Variants in DENND5A observed in about 807,000 individuals in gnomAD.
The protein encoded by DENND5A is DENN domain containing 5A, also known as DENN domain-containing protein 5A.
DENND5A carries 64 observed loss-of-function variants against 140.3 expected under a neutral mutation model. That is an observed-to-expected ratio of 0.46 (90% CI 0.37 to 0.56). The LOEUF (loss-of-function observed/expected upper bound fraction) is 0.56, where lower values mean the gene tolerates loss of function less well. DENND5A is among the 20% of genes least tolerant of loss of function. The pLI, the probability that DENND5A is intolerant of heterozygous loss-of-function variation, is 0.00. For synonymous variants in DENND5A, 605 were observed against 607.7 expected (o/e 1.00, Z 0.07); for missense variants, 1,292 against 1,593.8 (o/e 0.81, Z 3.22).
rs1326262979 is a variant in DENND5A, at chr11:9,165,985, A to G, written c.2152-18T>C. On this transcript the variant is annotated intron_variant, in intron 10 of 22. Transcript: ENST00000328194. Reference sequence around the variant, plus strand: ...ATGTACTTCTATATCAAACAGAAAAATAAAGACCCTTTGTGTCCATGTACA... The same window carrying G: ...ATGTACTTCTATATCAAACAGAAAAGTAAAGACCCTTTGTGTCCATGTACA... 1 of 1,613,800 alleles carries G rather than the reference A, an allele frequency of 6.2e-7. No individual in the cohort carries two copies.
At chr11:9,262,534 T>C (rs1247863878) in intron 1 of DENND5A, among the ~76,000 whole-genome samples, 1 of 152,254 alleles carries the variant, frequency 6.6e-6, no homozygotes, top group African/African-American at 2.4e-5. Flanking sequence ...AGCAATTAAC[T>C]AGTGTATACA....
At chr11:9,174,092 G>C (rs535351772) in intron 8 of DENND5A, among the ~76,000 whole-genome samples, 54 of 82,802 alleles carry the variant, frequency 6.5e-4, no homozygotes, top group African/African-American at 2.6e-3. Flanking sequence ...GATAGAGCAA[G>C]ACTCCGTCTC....
In DENND5A at chr11:9,138,979, TTAAA is replaced by T. The variant is rs1373826142; in HGVS notation, c.*688_*691del. ...ATACTTAAAAACACACAATGGCGGGTTAAATAAATAAAACATTTTAAAAAAGAAA... is the reference window on the plus strand; with the variant it reads ...ATACTTAAAAACACACAATGGCGGGTTAAATAAAACATTTTAAAAAAGAAA... On this transcript the variant is annotated 3_prime_UTR_variant, in exon 23 of 23. Coordinates refer to ENST00000328194, the MANE Select transcript of DENND5A (RefSeq NM_015213.4). 6.6e-5 allele frequency: 10 copies of T among 151,942 alleles called. No individual in the cohort carries two copies. The highest frequency in any genetic ancestry group is 1.3e-4 in the Non-Finnish European group (9 of 67,874). The allele number at this position is 151,942 out of a possible 1,614,324, so 9.4% of individuals were successfully genotyped here.
At chr11:9,194,062 T>C (rs1378106997) in intron 4 of DENND5A, among the ~76,000 whole-genome samples, 1 of 152,210 alleles carries the variant, frequency 6.6e-6, no homozygotes, top group Non-Finnish European at 1.5e-5. Context: ...CCATTCAGCA[T>C]GGAAGCAAAA....
chr11:9,148,946 T>C (rs1198357663), intron 15 of DENND5A, among the ~76,000 whole-genome samples: 10 of 152,098 alleles, frequency 6.6e-5, no homozygotes, highest in Non-Finnish European at 5.9e-5. Context: ...ATGCAAAGAA[T>C]TGAAGATGGT....
At chr11:9,156,187 G>A (rs1203826966) in intron 12 of DENND5A, among the ~76,000 whole-genome samples, 1 of 152,076 alleles carries the variant, frequency 6.6e-6, no homozygotes, top group Non-Finnish European at 1.5e-5. Flanking sequence ...AGATCATCAG[G>A]GTCAATCTCC....
chr11:9,204,581 G>T (rs997105302), intron 3 of DENND5A, among the ~76,000 whole-genome samples: 6 of 152,154 alleles, frequency 3.9e-5, no homozygotes, highest in Non-Finnish European at 8.8e-5. Context: ...TACAAAAATG[G>T]GCCAGGTGCA....
chr11:9,250,419 C>T (rs1016863831), intron 1 of DENND5A, among the ~76,000 whole-genome samples: 23 of 152,308 alleles, frequency 1.5e-4, no homozygotes, highest in Admixed American at 5.2e-4. Context: ...TGTCTCCTCT[C>T]CTGACACAGC....
intron 12 of DENND5A, among the ~76,000 whole-genome samples, chr11:9,156,171 C>T (rs1244410830): frequency 6.6e-6 from 1 of 152,096 alleles, no homozygotes; most frequent in Non-Finnish European, 1.5e-5. Flanking sequence ...GTTAGGAACC[C>T]AACATAGATC....
intron 1 of DENND5A, among the ~76,000 whole-genome samples, chr11:9,233,015 A>C (rs1850835648): frequency 6.6e-6 from 1 of 152,172 alleles, no homozygotes; most frequent in Admixed American, 6.5e-5. Context: ...GACATGAAAA[A>C]CTATGCTGTT....
chr11:9,202,109 T>C (rs77220446), intron 4 of DENND5A, among the ~76,000 whole-genome samples: 9,323 of 152,278 alleles, frequency 0.061, 391 homozygotes, highest in South Asian at 0.11. Flanking sequence ...AATCTAATCA[T>C]GAAAACATCA....
At chr11:9,207,052 C>T in intron 2 of DENND5A, 1 of 475,994 alleles carries the variant, frequency 2.1e-6, no homozygotes, top group Admixed American at 3.9e-5. Flanking sequence ...GGTTAATTTT[C>T]ATGGGAGAGA....
chr11:9,194,192 T>C (rs1357255202), intron 4 of DENND5A, among the ~76,000 whole-genome samples: 1 of 151,970 alleles, frequency 6.6e-6, no homozygotes, highest in African/African-American at 2.4e-5. Context: ...TTTTCCACAC[T>C]AGCCAAGTCT....
chr11:9,258,482 T>C (rs1852049155), intron 1 of DENND5A, among the ~76,000 whole-genome samples: 1 of 152,186 alleles, frequency 6.6e-6, no homozygotes, highest in African/African-American at 2.4e-5. Context: ...CTGCATAGTA[T>C]TCCATGATGT....
At chr11:9,258,832 T>TTC (rs1852066232) in intron 1 of DENND5A, among the ~76,000 whole-genome samples, 1 of 152,248 alleles carries the variant, frequency 6.6e-6, no homozygotes, top group African/African-American at 2.4e-5. Flanking sequence ...GGTGCTTTCA[T>TTC]GTTAACATTC....
intron 1 of DENND5A, among the ~76,000 whole-genome samples, chr11:9,226,290 T>G (rs909236755): frequency 3.9e-5 from 6 of 152,196 alleles, no homozygotes; most frequent in Admixed American, 2.0e-4. Flanking sequence ...CTGAATGATC[T>G]CATCCCAAAA....
intron 1 of DENND5A, among the ~76,000 whole-genome samples, chr11:9,254,525 C>T (rs907153853): frequency 1.3e-5 from 2 of 152,208 alleles, no homozygotes; most frequent in African/African-American, 2.4e-5. Flanking sequence ...CTTCTGGAAG[C>T]ATCCACAGAT....
intron 1 of DENND5A, among the ~76,000 whole-genome samples, chr11:9,233,089 T>C (rs149131174): frequency 1.1e-4 from 16 of 152,280 alleles, no homozygotes; most frequent in South Asian, 4.1e-4. Context: ...AGTAGACTAC[T>C]TCTTGCTCAC....
In DENND5A at chr11:9,204,025, T is replaced by C; in HGVS notation, c.584A>G (p.Asp195Gly). The C allele has an allele frequency of 6.2e-7, 1 of 1,614,116 alleles. No individual in the cohort carries two copies. Among genetic ancestry groups the C allele is most frequent in the Non-Finnish European group, 8.5e-7 (1 of 1,180,026 alleles). ...GACGTAGAGAGTGTCCCGGCTAATG[T>C]CATAGGAGTTGAAGCGCTGCAGTTT... ...VTKLQRFNSY[D>G]ISRDTLYVSK... The change falls in exon 4 of 23, where the codon GAC becomes GGC. Residue 195 changes from aspartate (D) to glycine (G), a missense_variant. By Grantham distance (94) the Asp-to-Gly change is moderately conservative. Transcript: ENST00000328194.
Sources: allele counts gnomAD v4.1 joint callset (sites outside exome capture counted in the v4.1 genomes callset), GRCh38; gene constraint gnomAD v4.1.1; transcripts MANE v1.5; gene names NCBI Gene and HGNC (gene_info 2026-07-23, HGNC 2026-07-21).